CCDC85C: variants seen among roughly 807,000 people sequenced by gnomAD.
CCDC85C encodes the protein coiled-coil domain-containing protein 85C.
Under a neutral mutation model 38.3 loss-of-function variants are expected in CCDC85C, and 18 were observed. The ratio of observed to expected loss-of-function variants is 0.47; its 90% CI spans 0.33 to 0.70. CCDC85C has a LOEUF of 0.70. CCDC85C is among the 30% of genes least tolerant of loss of function. CCDC85C has a pLI of 0.03. For missense variants in CCDC85C, 566 were observed against 621.2 expected (o/e 0.91, Z 0.94); for synonymous variants, 264 against 293.8 (o/e 0.90, Z 1.04).
In CCDC85C at chr14:99,507,483, T is replaced by C; in HGVS notation, c.*7763A>G. On this transcript the variant is annotated 3_prime_UTR_variant, in exon 6 of 6. Coordinates refer to ENST00000380243, the MANE Select transcript of CCDC85C (RefSeq NM_001144995.2). ...AGGAGTCTGAGATGGGAAGATCATT[T>C]GAGCCCTGGGCAGTCAAGGCTGCAG... 1 of 281,146 alleles carries C rather than the reference T, an allele frequency of 3.6e-6. No homozygotes were observed. Among genetic ancestry groups the C allele is most frequent in the Non-Finnish European group, 6.9e-6 (1 of 144,598 alleles). The allele number at this position is 281,146 out of a possible 1,614,324, so 17.4% of individuals were successfully genotyped here.
At chr14:99,564,092 T>C (rs1230530899) in intron 1 of CCDC85C, among the ~76,000 whole-genome samples, 8 of 152,214 alleles carry the variant, frequency 5.3e-5, no homozygotes. Context: ...TGCAATTGTC[T>C]AGAAATGACC....
chr14:99,510,883 G>A lies in CCDC85C; in HGVS notation c.*4363C>T, dbSNP rs549815043. 9 of 1,018,024 alleles carry A rather than the reference G, an allele frequency of 8.8e-6. No homozygotes were observed. Among genetic ancestry groups the A allele is most frequent in the South Asian group, 7.1e-5 (2 of 28,312 alleles). The allele number at this position is 1,018,024 out of a possible 1,614,324, so 63.1% of individuals were successfully genotyped here. A position where few individuals can be genotyped will look rare whatever the true frequency, so the allele number is the denominator to read the frequency against. ...CAGCAGGGTACCTTGTATAATGCACGACAGTTGCAGTATGGGAAGAATGGA... is the reference window on the plus strand; with the variant it reads ...CAGCAGGGTACCTTGTATAATGCACAACAGTTGCAGTATGGGAAGAATGGA... On this transcript the variant is annotated 3_prime_UTR_variant, in exon 6 of 6. Transcript: ENST00000380243.
At chr14:99,537,548 G>A (rs1421968682) in intron 1 of CCDC85C, among the ~76,000 whole-genome samples, 6 of 152,102 alleles carry the variant, frequency 3.9e-5, no homozygotes, top group African/African-American at 7.2e-5. Context: ...ACTGGAGCCC[G>A]GCCCGGCCGC....
chr14:99,511,582 G>A lies in CCDC85C; in HGVS notation c.*3664C>T, dbSNP rs1179589976. 2.6e-5 allele frequency: 4 copies of A among 152,464 alleles called. No individual in the cohort carries two copies. The highest frequency in any genetic ancestry group is 9.7e-5 in the African/African-American group (4 of 41,438). 9.4% of individuals were successfully genotyped at this position (152,464 alleles called of 1,614,324 possible). ...TCGCAGTCTGTGGCTTATAAAATGTGCAGAGGCCCTCCTTCCAGACCCTGG... is the reference window on the plus strand; with the variant it reads ...TCGCAGTCTGTGGCTTATAAAATGTACAGAGGCCCTCCTTCCAGACCCTGG... On this transcript the variant is annotated 3_prime_UTR_variant, in exon 6 of 6. Transcript: ENST00000380243.
chr14:99,599,549 C>T (rs1373447194), intron 1 of CCDC85C, among the ~76,000 whole-genome samples: 4 of 152,130 alleles, frequency 2.6e-5, no homozygotes, highest in African/African-American at 7.2e-5. Context: ...ACTAGAGCAA[C>T]GCACAGCCCA....
chr14:99,513,990 T>C lies in CCDC85C; in HGVS notation c.*1256A>G, dbSNP rs931602606. ...CCAGAATCCTGTGAGGAGGGCCTTATGCTGCCCATTTTACTACTGAGGACA... is the reference window on the plus strand; with the variant it reads ...CCAGAATCCTGTGAGGAGGGCCTTACGCTGCCCATTTTACTACTGAGGACA... On this transcript the variant is annotated 3_prime_UTR_variant, in exon 6 of 6. Coordinates refer to ENST00000380243, the MANE Select transcript of CCDC85C (RefSeq NM_001144995.2). The C allele has an allele frequency of 2.6e-5, 4 of 152,294 alleles. No homozygotes were observed. The highest frequency in any genetic ancestry group is 9.6e-5 in the African/African-American group (4 of 41,470). The allele number at this position is 152,294 out of a possible 1,614,324, so 9.4% of individuals were successfully genotyped here. A position where few individuals can be genotyped will look rare whatever the true frequency, so the allele number is the denominator to read the frequency against.
chr14:99,576,999 T>G lies in CCDC85C; in HGVS notation c.793+26168A>C, dbSNP rs2139969905. 6.6e-6 allele frequency among the ~76,000 whole-genome samples: 1 copy of G among 152,026 alleles called. No individual in the cohort carries two copies. The highest frequency in any genetic ancestry group is 6.5e-5 in the Admixed American group (1 of 15,274). The stretch of plus-strand genomic sequence containing the variant: ...AGCGAATGCCCATGCCCAGGACCCC[T>G]GCCCTCCCCTCCCTGATCAGTCCCA... On this transcript the variant is annotated intron_variant, in intron 1 of 5. Coordinates refer to ENST00000380243, the MANE Select transcript of CCDC85C (RefSeq NM_001144995.2). This position sits in a 1 kb window ranked among gnomAD's most constrained non-coding sequence, Gnocchi z 4.8.
At position 99,507,012 on chromosome 14, in the gene CCDC85C, T is replaced by A. The variant is rs1896991532; in HGVS notation, c.*8234A>T. On this transcript the variant is annotated 3_prime_UTR_variant, in exon 6 of 6. Transcript: ENST00000380243. ...AGAAATCTCTGCCAGTACATTTTTC[T>A]TTATGACATGCTTATTCATGTGAAG... is the stretch of plus-strand genomic sequence containing the variant. 1 of 985,418 alleles carries A rather than the reference T, an allele frequency of 1.0e-6. No homozygotes were observed. The highest frequency in any genetic ancestry group is 1.7e-5 in the Admixed American group (1 of 59,218). The allele number at this position is 985,418 out of a possible 1,614,324, so 61.0% of individuals were successfully genotyped here.
intron 2 of CCDC85C, among the ~76,000 whole-genome samples, chr14:99,530,464 C>T (rs185050132): frequency 1.4e-4 from 22 of 152,334 alleles, no homozygotes; most frequent in Admixed American, 6.5e-4. Flanking sequence ...ACGTGGACCA[C>T]CGCGACGCCA....
At chr14:99,582,772 C>T (rs1324721336) in intron 1 of CCDC85C, among the ~76,000 whole-genome samples, 1 of 152,090 alleles carries the variant, frequency 6.6e-6, no homozygotes. Context: ...TGAGATTGCG[C>T]CTCTGCACTC....
intron 1 of CCDC85C, among the ~76,000 whole-genome samples, chr14:99,536,585 C>T (rs1897606010): frequency 6.6e-6 from 1 of 152,228 alleles, no homozygotes; most frequent in African/African-American, 2.4e-5. Context: ...GCCAAGTCAG[C>T]ATCTGGGATC....
At chr14:99,589,569 C>T (rs1012334884) in intron 1 of CCDC85C, among the ~76,000 whole-genome samples, 10 of 152,330 alleles carry the variant, frequency 6.6e-5, no homozygotes, top group African/African-American at 2.4e-4. Context: ...CCACTTTGGG[C>T]TCTGATTAGA....
chr14:99,569,618 G>A lies in CCDC85C; in HGVS notation c.794-33530C>T, dbSNP rs527563737. On this transcript the variant is annotated intron_variant, in intron 1 of 5. Transcript: ENST00000380243. The surrounding 1 kb of genome is among the most constrained non-coding windows in gnomAD (Gnocchi z 4.3). ...CCAGGACACTCCAGAGCCAAGAGCT[G>A]AACCCAGGCACATCCAGCCTCAAAC... Among the ~76,000 whole-genome samples, 7 of 152,318 alleles carry A rather than the reference G, an allele frequency of 4.6e-5. No homozygotes were observed. The South Asian group carries it at 1.4e-3, about 32-fold the overall frequency.
intron 1 of CCDC85C, among the ~76,000 whole-genome samples, chr14:99,585,909 G>C (rs4905860): frequency 0.89 from 135,061 of 152,270 alleles, 60,639 homozygotes; most frequent in Middle Eastern, 0.96. Flanking sequence ...GACCTTAGGC[G>C]TAAAGCTAGA....
chr14:99,503,282 T>C lies in CCDC85C; in HGVS notation c.*11964A>G, dbSNP rs1335808984. On this transcript the variant is annotated 3_prime_UTR_variant, in exon 6 of 6. Coordinates refer to ENST00000380243, the MANE Select transcript of CCDC85C (RefSeq NM_001144995.2). ...TTGCCGTGTCCTAGCAGTGTCGTTGTGCATGCTGCTTCTGTGCAGCTGCCT... is the reference window on the plus strand; with the variant it reads ...TTGCCGTGTCCTAGCAGTGTCGTTGCGCATGCTGCTTCTGTGCAGCTGCCT... The C allele has an allele frequency of 4.8e-6, 3 of 621,152 alleles. No individual in the cohort carries two copies. Among genetic ancestry groups the C allele is most frequent in the African/African-American group, 1.8e-5 (1 of 54,614 alleles). 38.5% of individuals were successfully genotyped at this position (621,152 alleles called of 1,614,324 possible).
chr14:99,597,137 C>A (rs1419708524), intron 1 of CCDC85C, among the ~76,000 whole-genome samples: 1 of 152,156 alleles, frequency 6.6e-6, no homozygotes, highest in Non-Finnish European at 1.5e-5. Context: ...GCTCCCCCAG[C>A]CCAGCCCACA....
intron 1 of CCDC85C, among the ~76,000 whole-genome samples, chr14:99,582,692 T>C (rs1316073402): frequency 6.6e-6 from 1 of 152,198 alleles, no homozygotes; most frequent in African/African-American, 2.4e-5. Context: ...CGCACGCCTG[T>C]AATCCCAGCT....
chr14:99,510,525 C>T lies in CCDC85C; in HGVS notation c.*4721G>A. 1.8e-6 allele frequency: 1 copy of T among 570,502 alleles called. No individual in the cohort carries two copies. Among genetic ancestry groups the T allele is most frequent in the Non-Finnish European group, 2.7e-6 (1 of 365,564 alleles). The allele number at this position is 570,502 out of a possible 1,614,324, so 35.3% of individuals were successfully genotyped here. On this transcript the variant is annotated 3_prime_UTR_variant, in exon 6 of 6. Coordinates refer to ENST00000380243, the MANE Select transcript of CCDC85C (RefSeq NM_001144995.2). ...GCCTCCTCCCCCAGCCTCCTTCCCC[C>T]CACCTGCCATCCCACCCCCTACTCC...
chr14:99,592,080 A>G (rs1379879930), intron 1 of CCDC85C, among the ~76,000 whole-genome samples: 1 of 152,216 alleles, frequency 6.6e-6, no homozygotes, highest in Admixed American at 6.5e-5. Context: ...ACAAAGCCCA[A>G]GGAAGAATCG....
Sources: allele counts gnomAD v4.1 joint callset (sites outside exome capture counted in the v4.1 genomes callset), GRCh38; gene constraint gnomAD v4.1.1; non-coding constraint Gnocchi (gnomAD v3.1); transcripts MANE v1.5; gene names NCBI Gene and HGNC (gene_info 2026-07-23, HGNC 2026-07-21).